The following RBFOX1 variants were observed in gnomAD, a reference collection of about 807,000 sequenced individuals.
RBFOX1 encodes RNA binding protein fox-1 homolog 1.
Under a neutral mutation model 57.7 loss-of-function variants are expected in RBFOX1, and 8 were observed. The observed-to-expected ratio is 0.14, with a 90% CI of 0.08 to 0.25. The LOEUF is 0.25. Ranked by LOEUF, RBFOX1 falls within the 10% of genes least tolerant of loss-of-function variation. RBFOX1 has a pLI of 1.00. For synonymous variants in RBFOX1, 326 were observed against 222.4 expected (o/e 1.47, Z -4.15); for missense variants, 611 against 548.5 (o/e 1.11, Z -1.14).
At chr16:6,133,912 C>A (rs931036179) in intron 1 of RBFOX1, among the ~76,000 whole-genome samples, 1 of 151,920 alleles carries the variant, frequency 6.6e-6, no homozygotes, top group South Asian at 2.1e-4. Context: ...GGACATTCCT[C>A]TTTTATATAA....
chr16:6,959,820 C>G (rs1304392511), intron 3 of RBFOX1, among the ~76,000 whole-genome samples: 1 of 152,094 alleles, frequency 6.6e-6, no homozygotes, highest in African/African-American at 2.4e-5. Context: ...ACCTGTAATT[C>G]CAGCTACTCG....
chr16:6,419,746 C>T (rs1010947563), intron 2 of RBFOX1, among the ~76,000 whole-genome samples: 1 of 152,154 alleles, frequency 6.6e-6, no homozygotes, highest in Non-Finnish European at 1.5e-5. Flanking sequence ...CTTTTACACG[C>T]AGCACACACA....
chr16:6,798,463 A>G (rs1347214088), intron 3 of RBFOX1, among the ~76,000 whole-genome samples: 3 of 152,202 alleles, frequency 2.0e-5, no homozygotes, highest in African/African-American at 7.2e-5. Context: ...TGTTTAATTC[A>G]GAATGGCAGG....
At chr16:5,259,287 T>A (rs919774105) in intron 1 of RBFOX1, among the ~76,000 whole-genome samples, 11 of 152,126 alleles carry the variant, frequency 7.2e-5, no homozygotes, top group African/African-American at 2.7e-4. Context: ...CACCAATTCC[T>A]GGAGCTCACT....
intron 3 of RBFOX1, among the ~76,000 whole-genome samples, chr16:6,840,918 G>C (rs1225354317): frequency 7.5e-5 from 8 of 106,916 alleles, no homozygotes; most frequent in Non-Finnish European, 1.3e-4. Flanking sequence ...AAAAAGGTTT[G>C]AGAGACCCCT....
intron 3 of RBFOX1, among the ~76,000 whole-genome samples, chr16:6,658,246 T>C (rs2098674717): frequency 6.6e-6 from 1 of 151,834 alleles, no homozygotes. Context: ...GCCTTCATTT[T>C]TTTTTTTTTT....
At chr16:6,615,978 C>T (rs1567896659) in intron 2 of RBFOX1, among the ~76,000 whole-genome samples, 1 of 152,174 alleles carries the variant, frequency 6.6e-6, no homozygotes, top group South Asian at 2.1e-4. Flanking sequence ...TGTAGCTTGA[C>T]TTGCTGAACT....
intron 4 of RBFOX1, among the ~76,000 whole-genome samples, chr16:7,215,931 G>T (rs2091962716): frequency 1.3e-5 from 2 of 152,050 alleles, no homozygotes; most frequent in South Asian, 4.2e-4. Flanking sequence ...CACCGTGTTA[G>T]CCAGGATGGT....
At chr16:7,688,464 C>T (rs1384688778) in intron 14 of RBFOX1, among the ~76,000 whole-genome samples, 1 of 151,996 alleles carries the variant, frequency 6.6e-6, no homozygotes, top group African/African-American at 2.4e-5. Flanking sequence ...TTACGTCCCA[C>T]CTGCCCGCAC....
chr16:5,790,434 CAG>C (rs1164620375), intron 3 of RBFOX1, among the ~76,000 whole-genome samples: 4 of 150,282 alleles, frequency 2.7e-5, no homozygotes, highest in Non-Finnish European at 5.9e-5. Flanking sequence ...CCTTCCACTC[CAG>C]AAACAGGAGC....
intron 2 of RBFOX1, among the ~76,000 whole-genome samples, chr16:5,480,704 C>G (rs1342739457): frequency 1.3e-5 from 2 of 152,188 alleles, no homozygotes; most frequent in African/African-American, 2.4e-5. Flanking sequence ...ATAACACACT[C>G]TTTTGTGACT....
At chr16:7,068,644 T>C (rs2346259) in intron 4 of RBFOX1, among the ~76,000 whole-genome samples, 107,686 of 151,784 alleles carry the variant, frequency 0.71, 38,944 homozygotes, top group East Asian at 0.91. Flanking sequence ...TGGAGTGCAA[T>C]GGTGCAATCT....
At position 6,859,551 on chromosome 16, in the gene RBFOX1, T is replaced by A. The variant is rs956676225; in HGVS notation, c.-15-192506T>A. Among the ~76,000 whole-genome samples the A allele has an allele frequency of 5.8e-4, 89 of 152,164 alleles. 1 individual carries two copies. Among genetic ancestry groups the A allele is most frequent in the African/African-American group, 2.1e-3 (88 of 41,508 alleles). ...AAATGTGAGTGGTTTTTATGCTGCC[T>A]GTGGAAATCTGAATTTAGATGAGCC... On this transcript the variant is annotated intron_variant, in intron 3 of 15. Coordinates refer to ENST00000550418, the MANE Select transcript of RBFOX1 (RefSeq NM_018723.4).
intron 4 of RBFOX1, among the ~76,000 whole-genome samples, chr16:7,386,079 A>G (rs1201457146): frequency 1.3e-5 from 2 of 151,980 alleles, no homozygotes; most frequent in East Asian, 1.9e-4. Context: ...GTGAGCCACC[A>G]TGCCCAGCCA....
intron 2 of RBFOX1, among the ~76,000 whole-genome samples, chr16:6,360,210 C>T (rs912858726): frequency 6.6e-6 from 1 of 151,834 alleles, no homozygotes; most frequent in Non-Finnish European, 1.5e-5. Context: ...AAATGAATTT[C>T]TTATACATCA....
At chr16:7,284,628 G>C (rs928700051) in intron 4 of RBFOX1, among the ~76,000 whole-genome samples, 6 of 152,162 alleles carry the variant, frequency 3.9e-5, no homozygotes, top group Admixed American at 1.3e-4. Context: ...ACCACTCCTG[G>C]CCCTTTTTAA....
chr16:7,687,970 G>T (rs963867111), intron 14 of RBFOX1, among the ~76,000 whole-genome samples: 3 of 152,014 alleles, frequency 2.0e-5, no homozygotes, highest in Non-Finnish European at 4.4e-5. Flanking sequence ...AATGACCGGG[G>T]TGTGGGCCTG....
chr16:5,532,652 A>G (rs966267331), intron 2 of RBFOX1, among the ~76,000 whole-genome samples: 7 of 152,260 alleles, frequency 4.6e-5, no homozygotes, highest in Admixed American at 2.6e-4. Flanking sequence ...TGAAGATTCT[A>G]GCAGTTAACC....
At chr16:7,475,634 GAGAT>G (rs2062510173) in intron 4 of RBFOX1, among the ~76,000 whole-genome samples, 1 of 151,996 alleles carries the variant, frequency 6.6e-6, no homozygotes, top group African/African-American at 2.4e-5. Context: ...CTTGTAGAGA[GAGAT>G]AGCTAAGATC....
Sources: gnomAD v4.1 joint callset for allele counts (sites outside exome capture counted in the v4.1 genomes callset) on GRCh38, gnomAD v4.1.1 for gene constraint, MANE v1.5 for transcripts, NCBI Gene and HGNC (gene_info 2026-07-23, HGNC 2026-07-21) for gene names.